Variants in MAP4K4 observed in about 807,000 individuals in gnomAD.
MAP4K4 encodes mitogen-activated protein kinase kinase kinase kinase 4, also known as HPK/GCK-like kinase HGK.
In MAP4K4, 38 loss-of-function variants were observed where a neutral mutation model predicts 189.6. That is an observed-to-expected ratio of 0.20 (90% CI 0.15 to 0.26). MAP4K4 has a LOEUF of 0.26. Ranked by LOEUF, MAP4K4 falls within the 10% of genes least tolerant of loss-of-function variation. MAP4K4 has a pLI of 1.00. For missense variants in MAP4K4, 1,054 were observed against 1,726.9 expected (o/e 0.61, Z 6.91); for synonymous variants, 610 against 624.3 (o/e 0.98, Z 0.34).
intron 2 of MAP4K4, among the ~76,000 whole-genome samples, chr2:101,737,450 TATATATA>T (rs2060767161): frequency 2.6e-5 from 1 of 37,914 alleles, no homozygotes; most frequent in African/African-American, 1.5e-4. Context: ...TATATATATA[TATATATA>T]TATATTTTTT....
chr2:101,797,898 T>TTTTTTTG (rs2093936834), intron 3 of MAP4K4, among the ~76,000 whole-genome samples: 1 of 128,326 alleles, frequency 7.8e-6, no homozygotes, highest in Admixed American at 8.2e-5. Context: ...AGTTTTTTTT[T>TTTTTTTG]TTTTTTTTTT....
chr2:101,874,718 T>C (rs1318078794), intron 26 of MAP4K4, among the ~76,000 whole-genome samples: 1 of 152,246 alleles, frequency 6.6e-6, no homozygotes. Flanking sequence ...TCATTTTTCA[T>C]GCTTGTAATT....
intron 2 of MAP4K4, among the ~76,000 whole-genome samples, chr2:101,734,629 T>C (rs2059688205): frequency 6.6e-6 from 1 of 152,238 alleles, no homozygotes; most frequent in African/African-American, 2.4e-5. Flanking sequence ...CTGTGAGAAC[T>C]GGCCTGTCCT....
At chr2:101,827,901 G>A (rs1267031197) in intron 5 of MAP4K4, among the ~76,000 whole-genome samples, 1 of 152,198 alleles carries the variant, frequency 6.6e-6, no homozygotes, top group African/African-American at 2.4e-5. Flanking sequence ...GCATTTGCTC[G>A]AGGATAGGTC....
intron 3 of MAP4K4, among the ~76,000 whole-genome samples, chr2:101,818,453 C>G (rs1271348500): frequency 6.6e-6 from 1 of 152,168 alleles, no homozygotes; most frequent in Non-Finnish European, 1.5e-5. Context: ...TTTCACCTGG[C>G]AAATGCTCAG....
intron 2 of MAP4K4, among the ~76,000 whole-genome samples, chr2:101,789,996 TA>T (rs894515307): frequency 2.0e-5 from 3 of 151,928 alleles, no homozygotes; most frequent in Non-Finnish European, 4.4e-5. Flanking sequence ...TTTATACACT[TA>T]AAAAAAATCC....
chr2:101,732,748 C>G (rs1244289215), intron 2 of MAP4K4, among the ~76,000 whole-genome samples: 1 of 152,150 alleles, frequency 6.6e-6, no homozygotes, highest in Non-Finnish European at 1.5e-5. Context: ...ACCACCATGC[C>G]CAGCTAATTT....
intron 2 of MAP4K4, among the ~76,000 whole-genome samples, chr2:101,784,302 G>A (rs2089514811): frequency 6.6e-6 from 1 of 151,360 alleles, no homozygotes; most frequent in Admixed American, 6.6e-5. Flanking sequence ...GTGTGTGTGT[G>A]TGTGTGTTTT....
chr2:101,828,552 A>T (rs558866700), intron 5 of MAP4K4, among the ~76,000 whole-genome samples: 8 of 152,220 alleles, frequency 5.3e-5, no homozygotes, highest in Admixed American at 3.3e-4. Context: ...GAAACCCCCT[A>T]TGTTAGAAAA....
chr2:101,859,838 T>C, exon 15 of MAP4K4: 1 of 1,608,808 alleles, frequency 6.2e-7, no homozygotes, highest in Non-Finnish European at 8.5e-7. Context: ...CAAAGCCCAC[T>C]ACGAGCCTGC....
chr2:101,889,576 C>T (rs566730970), intron 32 of MAP4K4, among the ~76,000 whole-genome samples: 3 of 152,072 alleles, frequency 2.0e-5, no homozygotes, highest in African/African-American at 4.8e-5. Context: ...TGGCCAGGGG[C>T]GTTGACCCAT....
intron 3 of MAP4K4, among the ~76,000 whole-genome samples, chr2:101,819,231 TG>T (rs1054684055): frequency 1.4e-4 from 22 of 151,874 alleles, no homozygotes; most frequent in African/African-American, 5.1e-4. Context: ...GTGGTATGTG[TG>T]TATGTACTTA....
chr2:101,885,058 C>T (rs1180095672), intron 28 of MAP4K4, 129 bp from the exon 29 acceptor site: 1 of 466,602 alleles, frequency 2.1e-6, no homozygotes, highest in Non-Finnish European at 3.9e-6. Flanking sequence ...CTGAATTTTT[C>T]CCCTGCTTGT....
intron 2 of MAP4K4, among the ~76,000 whole-genome samples, chr2:101,703,500 C>A (rs1461209881): frequency 6.6e-6 from 1 of 151,246 alleles, no homozygotes; most frequent in Non-Finnish European, 1.5e-5. Context: ...CGCCTGTAAT[C>A]CCAGCCACTT....
At chr2:101,829,265 A>G (rs2066942) in intron 5 of MAP4K4, among the ~76,000 whole-genome samples, 127,616 of 152,158 alleles carry the variant, frequency 0.84, 53,925 homozygotes, top group African/African-American at 0.95. Context: ...GCTAGAAGTG[A>G]TCACGTTGCT....
intron 15 of MAP4K4, 130 bp downstream of exon 15, chr2:101,859,994 C>G: frequency 1.0e-6 from 1 of 976,912 alleles, no homozygotes; most frequent in Non-Finnish European, 1.6e-6. Flanking sequence ...CATTTTCTAA[C>G]TAGGAAATTG....
intron 2 of MAP4K4, among the ~76,000 whole-genome samples, chr2:101,710,304 T>C (rs976037424): frequency 1.3e-5 from 2 of 152,238 alleles, no homozygotes; most frequent in Non-Finnish European, 2.9e-5. Context: ...AGCATCTTAG[T>C]TCTCTATATG....
At chr2:101,717,757 T>A (rs556990578) in intron 2 of MAP4K4, among the ~76,000 whole-genome samples, 1 of 152,164 alleles carries the variant, frequency 6.6e-6, no homozygotes, top group Admixed American at 6.5e-5. Flanking sequence ...GAGGACTCAT[T>A]AGCCTTGGAT....
intron 2 of MAP4K4, among the ~76,000 whole-genome samples, chr2:101,784,852 A>C (rs2089850810): frequency 6.6e-6 from 1 of 152,222 alleles, no homozygotes; most frequent in African/African-American, 2.4e-5. Flanking sequence ...ATAGAGAGCC[A>C]GTCTAGGTGT....
Sources: allele counts gnomAD v4.1 joint callset (sites outside exome capture counted in the v4.1 genomes callset), GRCh38; gene constraint gnomAD v4.1.1; transcripts MANE v1.5; gene names NCBI Gene and HGNC (gene_info 2026-07-23, HGNC 2026-07-21).